CSMD1: variants seen among roughly 807,000 people sequenced by gnomAD.
The protein encoded by CSMD1 is CUB and Sushi multiple domains 1.
A neutral mutation model predicts 417.5 loss-of-function variants in CSMD1; 213 were observed. The ratio of observed to expected loss-of-function variants is 0.51; its 90% confidence interval spans 0.46 to 0.57. The LOEUF is 0.57. Ranked by LOEUF, CSMD1 falls within the 20% of genes least tolerant of loss-of-function variation. The pLI, the probability that CSMD1 is intolerant of heterozygous loss-of-function variation, is 0.00. For missense variants in CSMD1, 6,923 were observed against 4,529.7 expected (o/e 1.53, Z -15.17); for synonymous variants, 2,862 against 1,736.8 (o/e 1.65, Z -16.11).
chr8:4,427,483 TCAAATACAC>T (rs1186481217), intron 2 of CSMD1, among the ~76,000 whole-genome samples: 1 of 70,058 alleles, frequency 1.4e-5, no homozygotes, highest in Non-Finnish European at 2.8e-5. Context: ...AGAGACTTAA[TCAAATACAC>T]ACACACACAC....
chr8:4,449,488 A>T (rs151158309), intron 2 of CSMD1, among the ~76,000 whole-genome samples: 1 of 152,172 alleles, frequency 6.6e-6, no homozygotes, highest in Admixed American at 6.5e-5. Flanking sequence ...CCTTCAGTGT[A>T]ATATGAAGTT....
intron 2 of CSMD1, among the ~76,000 whole-genome samples, chr8:4,473,629 G>T (rs141112516): frequency 8.5e-5 from 13 of 152,092 alleles, no homozygotes; most frequent in Admixed American, 8.5e-4. Context: ...CTAAACTTGG[G>T]GAGTTTAGTT....
chr8:3,498,817 T>C (rs1796473123), intron 10 of CSMD1, among the ~76,000 whole-genome samples: 1 of 152,200 alleles, frequency 6.6e-6, no homozygotes, highest in Admixed American at 6.5e-5. Context: ...GTATTCATTT[T>C]ATTATTCAGT....
chr8:4,800,684 G>A (rs761484410), intron 1 of CSMD1, among the ~76,000 whole-genome samples: 2 of 152,136 alleles, frequency 1.3e-5, no homozygotes, highest in Admixed American at 6.5e-5. Context: ...GGTCAGCTAC[G>A]TTGGGCTAAG....
At chr8:3,707,676 G>A (rs565072282) in intron 7 of CSMD1, among the ~76,000 whole-genome samples, 33 of 152,128 alleles carry the variant, frequency 2.2e-4, no homozygotes, top group Middle Eastern at 3.5e-3. Flanking sequence ...TGCACCTGCA[G>A]AGAAAGAAGG....
intron 6 of CSMD1, among the ~76,000 whole-genome samples, chr8:3,721,436 A>G (rs1195535478): frequency 2.0e-5 from 3 of 152,174 alleles, no homozygotes; most frequent in African/African-American, 4.8e-5. Context: ...AACATCAAAC[A>G]GTTAGCTGGC....
intron 52 of CSMD1, among the ~76,000 whole-genome samples, chr8:3,017,834 A>C (rs1030536954): frequency 2.1e-4 from 29 of 135,132 alleles, no homozygotes; most frequent in East Asian, 2.0e-4. Flanking sequence ...AAAAAAAAAA[A>C]AGGAAGAACG....
At chr8:4,820,949 G>T (rs952228475) in intron 1 of CSMD1, among the ~76,000 whole-genome samples, 1 of 152,000 alleles carries the variant, frequency 6.6e-6, no homozygotes, top group Non-Finnish European at 1.5e-5. Flanking sequence ...CTTTCCTCAA[G>T]CTTTACTTTC....
At position 3,326,379 on chromosome 8, in the gene CSMD1, T is replaced by C. The variant is rs541326479; in HGVS notation, c.3631+16915A>G. ...CTTCCACCTTCCTCCCTTTGAGAAATGGATGAAGATTTATGTCCTGTTTTT... is the reference window on the plus strand; with the variant it reads ...CTTCCACCTTCCTCCCTTTGAGAAACGGATGAAGATTTATGTCCTGTTTTT... On this transcript the variant is annotated intron_variant, in intron 23 of 69. Coordinates refer to ENST00000635120, the MANE Select transcript of CSMD1 (RefSeq NM_033225.6). Among the ~76,000 whole-genome samples the C allele has an allele frequency of 5.0e-4, 76 of 152,320 alleles. 1 individual carries two copies. The highest frequency in any genetic ancestry group is 4.1e-4 in the South Asian group (2 of 4,820).
chr8:3,062,133 G>A (rs1812626916), intron 49 of CSMD1, among the ~76,000 whole-genome samples: 2 of 151,970 alleles, frequency 1.3e-5, no homozygotes, highest in Non-Finnish European at 2.9e-5. Context: ...AGCATTAATG[G>A]GAATATTTCT....
chr8:4,062,749 G>A (rs6990745), intron 3 of CSMD1, among the ~76,000 whole-genome samples: 4 of 150,910 alleles, frequency 2.7e-5, no homozygotes, highest in Admixed American at 6.6e-5. Context: ...AAAAAAAAAG[G>A]CAGGTTCTGC....
At chr8:3,037,776 T>C (rs1391335090) in intron 50 of CSMD1, among the ~76,000 whole-genome samples, 1 of 152,170 alleles carries the variant, frequency 6.6e-6, no homozygotes, top group African/African-American at 2.4e-5. Flanking sequence ...AAAGTTAACT[T>C]CTAGGAAGTA....
intron 5 of CSMD1, among the ~76,000 whole-genome samples, chr8:3,829,544 G>C (rs1187069295): frequency 2.0e-5 from 3 of 152,132 alleles, no homozygotes; most frequent in African/African-American, 7.2e-5. Context: ...ATGAGTTTGG[G>C]AGAGTTGCTA....
chr8:4,009,777 G>A (rs571519057), intron 4 of CSMD1, among the ~76,000 whole-genome samples: 1 of 152,136 alleles, frequency 6.6e-6, no homozygotes, highest in East Asian at 1.9e-4. Flanking sequence ...AAGGAACCCA[G>A]AGACATGGAC....
At chr8:3,696,609 C>A (rs116725026) in intron 7 of CSMD1, among the ~76,000 whole-genome samples, 1 of 152,244 alleles carries the variant, frequency 6.6e-6, no homozygotes, top group Admixed American at 6.5e-5. Context: ...AAAATGAGCG[C>A]TTTGGAAGAT....
chr8:3,662,159 A>G (rs897219930), intron 7 of CSMD1, among the ~76,000 whole-genome samples: 1 of 152,220 alleles, frequency 6.6e-6, no homozygotes, highest in African/African-American at 2.4e-5. Flanking sequence ...CTATAGAGAT[A>G]GCTCACCAAG....
chr8:4,068,074 C>A (rs985075115), intron 3 of CSMD1, among the ~76,000 whole-genome samples: 1 of 151,496 alleles, frequency 6.6e-6, no homozygotes. Flanking sequence ...AGGGAGACAA[C>A]GTCTCAAAAA....
At position 3,337,564 on chromosome 8, in the gene CSMD1, C is replaced by T. The variant is rs538046284; in HGVS notation, c.3631+5730G>A. On this transcript the variant is annotated intron_variant, in intron 23 of 69. Transcript: ENST00000635120. ...TCTCGGTAAGCGATGGCCACTCTTT[C>T]ATCAATGCTATGTCTAATGCTGATG... is the stretch of plus-strand genomic sequence containing the variant. Among the ~76,000 whole-genome samples the T allele has an allele frequency of 2.2e-4, 34 of 152,316 alleles. No individual in the cohort carries two copies. In the East Asian group the frequency reaches 5.2e-3, roughly 23 times the overall value.
rs533731325 is a variant in CSMD1, at chr8:3,464,511, C to A, written c.1561+4201G>T. On this transcript the variant is annotated intron_variant, in intron 12 of 69. Coordinates refer to ENST00000635120, the MANE Select transcript of CSMD1 (RefSeq NM_033225.6). Reference sequence around the variant, plus strand: ...AAACTATGCCCCGGACTCACATTATCTTTTCTTATATAGTATTCTGAGATT... The same window carrying A: ...AAACTATGCCCCGGACTCACATTATATTTTCTTATATAGTATTCTGAGATT... Among the ~76,000 whole-genome samples, 4 of 151,236 alleles carry A rather than the reference C, an allele frequency of 2.6e-5. No homozygotes were observed. The East Asian group carries it at 5.8e-4, about 22-fold the overall frequency.
Sources: gnomAD v4.1 joint callset for allele counts (sites outside exome capture counted in the v4.1 genomes callset) on GRCh38, gnomAD v4.1.1 for gene constraint, MANE v1.5 for transcripts, NCBI Gene and HGNC (gene_info 2026-07-23, HGNC 2026-07-21) for gene names.